Variants in LTBP1 observed in about 807,000 individuals in gnomAD.
The protein encoded by LTBP1 is latent-transforming growth factor beta-binding protein 1.
Under a neutral mutation model 207.6 loss-of-function variants are expected in LTBP1, and 129 were observed. The observed-to-expected ratio is 0.62, with a 90% confidence interval of 0.54 to 0.72. LTBP1 has a LOEUF of 0.72. Ranked by LOEUF, LTBP1 falls within the 30% of genes least tolerant of loss-of-function variation. LTBP1 has a pLI of 0.00. For synonymous variants in LTBP1, 963 were observed against 833.7 expected (o/e 1.16, Z -2.67); for missense variants, 2,281 against 2,217.2 (o/e 1.03, Z -0.58).
chr2:33,007,548 G>A (rs1218615544), intron 2 of LTBP1, among the ~76,000 whole-genome samples: 3 of 152,286 alleles, frequency 2.0e-5, no homozygotes, highest in East Asian at 1.9e-4. Context: ...TCATTTTGCC[G>A]CTATCACTGT....
At chr2:33,143,440 T>G (rs2082786724) in intron 5 of LTBP1, among the ~76,000 whole-genome samples, 1 of 152,190 alleles carries the variant, frequency 6.6e-6, no homozygotes, top group Admixed American at 6.5e-5. Context: ...CTGATACAGC[T>G]TCATCATTAG....
At chr2:33,236,236 A>G (rs1210244472) in intron 9 of LTBP1, among the ~76,000 whole-genome samples, 2 of 152,134 alleles carry the variant, frequency 1.3e-5, no homozygotes, top group Admixed American at 6.5e-5. Flanking sequence ...ATAATTTTCT[A>G]TTGTATTTTC....
chr2:33,194,770 T>C (rs1478699356), intron 7 of LTBP1, among the ~76,000 whole-genome samples: 1 of 152,206 alleles, frequency 6.6e-6, no homozygotes, highest in African/African-American at 2.4e-5. Context: ...TAAGCAGCCT[T>C]ATACCTGAAG....
chr2:33,226,132 T>G (rs1193530783), intron 9 of LTBP1, among the ~76,000 whole-genome samples: 2 of 152,250 alleles, frequency 1.3e-5, no homozygotes, highest in Non-Finnish European at 2.9e-5. Flanking sequence ...TGTGAAATTT[T>G]TCTTGTTCTA....
chr2:33,032,622 C>A (rs552200338), intron 3 of LTBP1, among the ~76,000 whole-genome samples: 1 of 152,128 alleles, frequency 6.6e-6, no homozygotes, highest in Non-Finnish European at 1.5e-5. Context: ...GTCTTCCTAG[C>A]TGGACTGCAT....
chr2:33,127,734 G>A (rs988281864), intron 4 of LTBP1, among the ~76,000 whole-genome samples: 7 of 152,214 alleles, frequency 4.6e-5, no homozygotes, highest in African/African-American at 1.2e-4. Context: ...ACAATGGAGG[G>A]TTGAAACATT....
intron 3 of LTBP1, among the ~76,000 whole-genome samples, chr2:33,062,257 C>T (rs999800661): frequency 1.3e-5 from 2 of 151,678 alleles, no homozygotes; most frequent in African/African-American, 4.8e-5. Flanking sequence ...TTTTTTTCCT[C>T]TTACTGTGTT....
intron 15 of LTBP1, among the ~76,000 whole-genome samples, chr2:33,265,322 G>A (rs1252063540): frequency 6.6e-6 from 1 of 152,118 alleles, no homozygotes; most frequent in Non-Finnish European, 1.5e-5. Flanking sequence ...CAGAACTTTT[G>A]ACCCAGTAAT....
In LTBP1 at chr2:33,386,021, C is replaced by T. The variant is rs114886739; in HGVS notation, c.4712-3163C>T. On this transcript the variant is annotated intron_variant, in intron 31 of 33. Coordinates refer to ENST00000404816, the MANE Select transcript of LTBP1 (RefSeq NM_206943.4). ...GAAAGGAAGGAGGATGTGGAATATC[C>T]CAGAAGTACCTCCCCCAACCCATTA... 3.0e-3 allele frequency among the ~76,000 whole-genome samples: 462 copies of T among 152,134 alleles called. 1 individual carries two copies. Among genetic ancestry groups the T allele is most frequent in the Admixed American group, 4.4e-3 (67 of 15,278 alleles).
At chr2:33,129,671 AT>A (rs1308015346) in intron 4 of LTBP1, among the ~76,000 whole-genome samples, 1 of 152,110 alleles carries the variant, frequency 6.6e-6, no homozygotes, top group East Asian at 1.9e-4. Context: ...ATTATTGGCT[AT>A]TTTTTCGGGT....
chr2:32,963,682 C>G (rs955486952), intron 2 of LTBP1, among the ~76,000 whole-genome samples: 4 of 152,184 alleles, frequency 2.6e-5, no homozygotes, highest in African/African-American at 9.7e-5. Flanking sequence ...TCATATTCTT[C>G]AAAGCCACAT....
intron 26 of LTBP1, among the ~76,000 whole-genome samples, chr2:33,351,519 A>G (rs1238959839): frequency 6.6e-6 from 1 of 152,220 alleles, no homozygotes; most frequent in Non-Finnish European, 1.5e-5. Flanking sequence ...CTGCAGTATC[A>G]CCATCCAATA....
At chr2:33,219,935 A>G (rs897358845) in intron 8 of LTBP1, among the ~76,000 whole-genome samples, 2 of 152,002 alleles carry the variant, frequency 1.3e-5, no homozygotes, top group Admixed American at 1.3e-4. Context: ...TTTATCTAAG[A>G]TGAGTTCACT....
chr2:33,096,676 ATGT>A (rs1412013203), intron 3 of LTBP1, among the ~76,000 whole-genome samples: 1 of 152,170 alleles, frequency 6.6e-6, no homozygotes, highest in Admixed American at 6.6e-5. Context: ...TTAGCAGATG[ATGT>A]TGTGAAAATC....
chr2:33,240,094 T>C (rs777613065), intron 9 of LTBP1, among the ~76,000 whole-genome samples: 4 of 152,210 alleles, frequency 2.6e-5, no homozygotes, highest in Non-Finnish European at 5.9e-5. Context: ...TGGTTTACCA[T>C]TCACCCGTCA....
rs971366327 is a variant in LTBP1 at position 33,026,258 on chromosome 2, C to T, written c.863+5052C>T. ...GGGACCTTGCTCAATATTGAACCCC[C>T]ACCTCAACCCCACCAACTCTCTCCC... is the stretch of plus-strand genomic sequence containing the variant. On this transcript the variant is annotated intron_variant, in intron 3 of 33. Coordinates refer to ENST00000404816, the MANE Select transcript of LTBP1 (RefSeq NM_206943.4). Among the ~76,000 whole-genome samples, 16 of 152,106 alleles carry T rather than the reference C, an allele frequency of 1.1e-4. No homozygotes were observed. The East Asian group carries it at 2.3e-3, about 22-fold the overall frequency.
At chr2:33,289,852 C>T (rs1453154812) in intron 19 of LTBP1, among the ~76,000 whole-genome samples, 1 of 152,166 alleles carries the variant, frequency 6.6e-6, no homozygotes, top group Admixed American at 6.5e-5. Context: ...ATAATCATCT[C>T]CCTCTGCTTC....
intron 31 of LTBP1, among the ~76,000 whole-genome samples, chr2:33,369,624 C>T (rs2095043356): frequency 6.6e-6 from 1 of 152,122 alleles, no homozygotes; most frequent in Non-Finnish European, 1.5e-5. Context: ...GTGGCGGGAT[C>T]TCAGCTCAGC....
chr2:32,996,819 C>T (rs6726214), intron 2 of LTBP1, among the ~76,000 whole-genome samples: 14,777 of 152,144 alleles, frequency 0.097, 957 homozygotes, highest in Non-Finnish European at 0.14. Context: ...AGGCCAGTCT[C>T]GCGCAGTTCC....
Sources: allele counts gnomAD v4.1 joint callset (sites outside exome capture counted in the v4.1 genomes callset), GRCh38; gene constraint gnomAD v4.1.1; transcripts MANE v1.5; gene names NCBI Gene and HGNC (gene_info 2026-07-23, HGNC 2026-07-21).